RPRD1B: variants seen among roughly 807,000 people sequenced by gnomAD.
RPRD1B encodes regulation of nuclear pre-mRNA domain-containing protein 1B.
A neutral mutation model predicts 41.5 loss-of-function variants in RPRD1B; 11 were observed. That is an observed-to-expected ratio of 0.27 (90% CI 0.17 to 0.44). RPRD1B has a LOEUF of 0.44. Among genes scored for constraint, RPRD1B ranks in the 20% least tolerant of loss-of-function variants. The pLI is 1.00. For missense variants in RPRD1B, 248 were observed against 389.9 expected, an observed-to-expected ratio of 0.64 and a Z score of 3.06; for synonymous variants, 158 against 155.6, an observed-to-expected ratio of 1.02 and a Z score of -0.12.
At chr20:38,048,220 C>A in intron 2 of RPRD1B, 128 bp from the exon 3 acceptor site, 4 of 945,620 alleles carry the variant, frequency 4.2e-6, no homozygotes, top group South Asian at 2.6e-5. Context: ...ACAATATGTA[C>A]CTTATTTGGT....
At position 38,089,987 on chromosome 20, in the gene RPRD1B, C is replaced by G. The variant is rs1254251025; in HGVS notation, c.*112C>G. On this transcript the variant is annotated 3_prime_UTR_variant, in exon 7 of 7. Coordinates refer to ENST00000373433, the MANE Select transcript of RPRD1B (RefSeq NM_021215.4). ...TCTATCCCTTCTTCCGCCCAGCCCC[C>G]CAGCCTCAAGAAAGAACCTCAGACT... 14 of 1,487,052 alleles carry G rather than the reference C, an allele frequency of 9.4e-6. No individual in the cohort carries two copies. Among genetic ancestry groups the G allele is most frequent in the Non-Finnish European group, 1.2e-5 (14 of 1,123,464 alleles). 92.1% of individuals were successfully genotyped at this position (1,487,052 alleles called of 1,614,324 possible).
At chr20:38,060,474 A>G (rs548570236) in intron 5 of RPRD1B, among the ~76,000 whole-genome samples, 1 of 152,346 alleles carries the variant, frequency 6.6e-6, no homozygotes, top group Admixed American at 6.5e-5. Flanking sequence ...AAAATAAAGC[A>G]GGGCAGTGGG....
chr20:38,087,999 G>A (rs76513809), intron 6 of RPRD1B, among the ~76,000 whole-genome samples: 2,547 of 152,308 alleles, frequency 0.017, 83 homozygotes, highest in African/African-American at 0.058. Flanking sequence ...GGGAGTCATT[G>A]CTAATCATTT....
chr20:38,066,085 A>G lies in RPRD1B; in HGVS notation c.660A>G (p.Lys220=), dbSNP rs1338779968. The G allele has an allele frequency of 2.5e-6, 4 of 1,614,078 alleles. No individual in the cohort carries two copies. In the South Asian group the frequency reaches 4.4e-5, roughly 18 times the overall value. The change falls in exon 6 of 7, where the codon AAA becomes AAG. Residue 220 remains lysine (K), a synonymous_variant. Transcript: ENST00000373433. ...TTTGGTCTCATTTGTACTTAGACAA[A>G]GAGGCAGCTGAACGTCTTTCAAAAA... ...DVSLLEKITD[K]EAAERLSKTV... is the part of the protein sequence containing the mutation.
intron 2 of RPRD1B, among the ~76,000 whole-genome samples, chr20:38,043,080 A>C (rs1859004755): frequency 1.3e-5 from 2 of 152,348 alleles, no homozygotes; most frequent in South Asian, 2.1e-4. Flanking sequence ...GGGGAGCAGC[A>C]GTGAACAAGG....
intron 5 of RPRD1B, among the ~76,000 whole-genome samples, chr20:38,061,435 T>G (rs1203410457): frequency 6.6e-6 from 1 of 152,242 alleles, no homozygotes; most frequent in East Asian, 1.9e-4. Flanking sequence ...GGACATGCTA[T>G]TTTCTAAACC....
chr20:38,076,652 C>T (rs1463094281), intron 6 of RPRD1B, among the ~76,000 whole-genome samples: 2 of 151,678 alleles, frequency 1.3e-5, no homozygotes, highest in Non-Finnish European at 2.9e-5. Flanking sequence ...AATTTCCCCC[C>T]TTCCCCCCAC....
chr20:38,046,564 T>C (rs1339949577), intron 2 of RPRD1B, among the ~76,000 whole-genome samples: 1 of 152,050 alleles, frequency 6.6e-6, no homozygotes, highest in Non-Finnish European at 1.5e-5. Context: ...AAAAATTGAG[T>C]AGGGGCAGGG....
intron 1 of RPRD1B, among the ~76,000 whole-genome samples, chr20:38,038,485 G>GTTTTT (rs2074027015): frequency 3.6e-5 from 3 of 83,118 alleles, no homozygotes; most frequent in African/African-American, 1.7e-4. Flanking sequence ...GATTTTTTTT[G>GTTTTT]TTTTGTTTTT....
At chr20:38,038,490 G>GTTTTTTTTTTTTTTTTT (rs150397040) in intron 1 of RPRD1B, among the ~76,000 whole-genome samples, 9 of 76,760 alleles carry the variant, frequency 1.2e-4, no homozygotes, top group Non-Finnish European at 2.1e-4. Flanking sequence ...TTTTTGTTTT[G>GTTTTTTTTTTTTTTTTT]TTTTTTTTTT....
chr20:38,052,943 G>A (rs1023773233), intron 3 of RPRD1B, among the ~76,000 whole-genome samples: 2 of 151,930 alleles, frequency 1.3e-5, no homozygotes, highest in Non-Finnish European at 2.9e-5. Flanking sequence ...CAGGTTGTAA[G>A]AGGCATACCA....
intron 6 of RPRD1B, among the ~76,000 whole-genome samples, chr20:38,066,564 C>T (rs2074358858): frequency 6.6e-6 from 1 of 151,902 alleles, no homozygotes; most frequent in Admixed American, 6.5e-5. Flanking sequence ...AATTGAGGTA[C>T]AAAAAGGATA....
chr20:38,062,959 C>CA (rs1486402411), intron 5 of RPRD1B, among the ~76,000 whole-genome samples: 1 of 151,306 alleles, frequency 6.6e-6, no homozygotes, highest in African/African-American at 2.4e-5. Flanking sequence ...CCTGGCCTCC[C>CA]AAAACACTGG....
In RPRD1B at chr20:38,072,618, C is replaced by T. The variant is rs117578703; in HGVS notation, c.831+6362C>T. Among the ~76,000 whole-genome samples, 54 of 152,260 alleles carry T rather than the reference C, an allele frequency of 3.5e-4. No individual in the cohort carries two copies. The East Asian group carries it at 9.8e-3, about 28-fold the overall frequency. On this transcript the variant is annotated intron_variant, in intron 6 of 6. Transcript: ENST00000373433. ...ACTTTGGGGAGTATTGCGATTTTAG[C>T]AGTCTTAAGTGTTTCAGCTCATGAA...
intron 6 of RPRD1B, among the ~76,000 whole-genome samples, chr20:38,071,210 G>A (rs187342890): frequency 1.6e-4 from 24 of 152,312 alleles, no homozygotes; most frequent in African/African-American, 5.3e-4. Context: ...TTTAGTTGAG[G>A]TGAAATTCAT....
chr20:38,048,636 G>T (rs2074145954), intron 3 of RPRD1B, 155 bp downstream of exon 3: 1 of 961,464 alleles, frequency 1.0e-6, no homozygotes, highest in Non-Finnish European at 1.2e-6. Context: ...TTTATGTAGT[G>T]CTCACAGCGT....
chr20:38,053,408 T>C (rs2074208387), intron 3 of RPRD1B, among the ~76,000 whole-genome samples: 1 of 152,174 alleles, frequency 6.6e-6, no homozygotes. Flanking sequence ...ACTCCTCCCT[T>C]CAAGCGGTTT....
intron 2 of RPRD1B, among the ~76,000 whole-genome samples, chr20:38,046,599 A>G (rs2074123861): frequency 6.6e-6 from 1 of 152,224 alleles, no homozygotes; most frequent in Non-Finnish European, 1.5e-5. Flanking sequence ...CGTGGAGATT[A>G]GGGAATGACA....
chr20:38,062,488 CA>C (rs1034109180), intron 5 of RPRD1B, among the ~76,000 whole-genome samples: 4 of 152,182 alleles, frequency 2.6e-5, no homozygotes, highest in African/African-American at 9.7e-5. Flanking sequence ...CTCTGCCCCA[CA>C]CTGAACTTCT....
Sources: gnomAD v4.1 joint callset for allele counts (sites outside exome capture counted in the v4.1 genomes callset) on GRCh38, gnomAD v4.1.1 for gene constraint, MANE v1.5 for transcripts, NCBI Gene and HGNC (gene_info 2026-07-23, HGNC 2026-07-21) for gene names.